Variants in FGF12 observed in about 807,000 individuals in gnomAD.
FGF12 encodes the protein fibroblast growth factor 12.
Under a neutral mutation model 23.6 loss-of-function variants are expected in FGF12, and 14 were observed. The observed-to-expected ratio is 0.59, with a 90% CI of 0.39 to 0.93. The LOEUF is 0.93. FGF12 is among the 40% of genes least tolerant of loss of function. The pLI is 0.00. For missense variants in FGF12, 175 were observed against 217.8 expected (o/e 0.80, Z 1.24); for synonymous variants, 62 against 77.3 (o/e 0.80, Z 1.04).
intron 2 of FGF12, among the ~76,000 whole-genome samples, chr3:192,393,621 G>A (rs1720399514): frequency 1.3e-5 from 2 of 150,922 alleles, no homozygotes; most frequent in Admixed American, 1.3e-4. Flanking sequence ...AAGAAAATGG[G>A]AAAAAAAAGA....
In FGF12 at chr3:192,589,559, C is replaced by A. The variant is rs544622516; in HGVS notation, c.13+137622G>T. Reference sequence around the variant, plus strand: ...CTCATCAAATTCTATCAACTTATTTCTAGGCTTAAATCTCATCAGCAAGTC... The same window carrying A: ...CTCATCAAATTCTATCAACTTATTTATAGGCTTAAATCTCATCAGCAAGTC... On this transcript the variant is annotated intron_variant, in intron 2 of 5. Transcript: ENST00000445105. Among the ~76,000 whole-genome samples the A allele has an allele frequency of 5.9e-5, 9 of 151,896 alleles. 1 individual carries two copies. In the South Asian group the frequency reaches 1.9e-3, roughly 32 times the overall value.
chr3:192,144,411 G>C lies in FGF12; in HGVS notation c.428-284C>G, dbSNP rs12498120. Among the ~76,000 whole-genome samples, 73,414 of 151,946 alleles carry C rather than the reference G, an allele frequency of 0.48. 19,218 individuals are homozygous for C. Among genetic ancestry groups the C allele is most frequent in the Non-Finnish European group, 0.59 (39,914 of 67,900 alleles). ...CTTTACAGTTTCCTAACCTAGAAAA[G>C]AGGATTTTCATCCAGAGTCAGAGGA... On this transcript the variant is annotated intron_variant, in intron 5 of 5. Transcript: ENST00000445105.
At chr3:192,295,020 A>G (rs1367290591) in intron 4 of FGF12, among the ~76,000 whole-genome samples, 3 of 152,218 alleles carry the variant, frequency 2.0e-5, no homozygotes, top group African/African-American at 7.2e-5. Flanking sequence ...AGTTCTATGC[A>G]GATGTAAACA....
At chr3:192,210,152 T>G (rs1717855936) in intron 4 of FGF12, among the ~76,000 whole-genome samples, 1 of 152,148 alleles carries the variant, frequency 6.6e-6, no homozygotes, top group African/African-American at 2.4e-5. Context: ...TAGTGAGCAT[T>G]GCCCCAGAAG....
At chr3:192,711,677 C>G (rs1003284676) in intron 2 of FGF12, among the ~76,000 whole-genome samples, 14 of 152,174 alleles carry the variant, frequency 9.2e-5, no homozygotes, top group Middle Eastern at 3.4e-3. Flanking sequence ...AAACATGTAC[C>G]GTGTCCACTC....
intron 2 of FGF12, among the ~76,000 whole-genome samples, chr3:192,475,154 T>C (rs142297674): frequency 1.9e-3 from 286 of 152,330 alleles, no homozygotes; most frequent in African/African-American, 6.5e-3. Context: ...TTTCAACCAT[T>C]AGTTTATAAA....
chr3:192,216,798 CT>C (rs1430105883), intron 4 of FGF12, among the ~76,000 whole-genome samples: 1 of 152,146 alleles, frequency 6.6e-6, no homozygotes, highest in Admixed American at 6.5e-5. Flanking sequence ...AATGCAATAT[CT>C]GTTTAATCTA....
intron 4 of FGF12, among the ~76,000 whole-genome samples, chr3:192,207,349 T>C (rs1436093161): frequency 6.6e-6 from 1 of 152,184 alleles, no homozygotes; most frequent in Admixed American, 6.5e-5. Context: ...TGTAATGAGT[T>C]CTCTCAGATG....
intron 2 of FGF12, among the ~76,000 whole-genome samples, chr3:192,713,596 C>G (rs1228464612): frequency 3.3e-5 from 5 of 152,190 alleles, no homozygotes; most frequent in African/African-American, 1.2e-4. Context: ...CCCATCTTTA[C>G]TAAGACACGA....
At chr3:192,631,086 A>G (rs1715375881) in intron 2 of FGF12, among the ~76,000 whole-genome samples, 1 of 151,994 alleles carries the variant, frequency 6.6e-6, no homozygotes, top group Non-Finnish European at 1.5e-5. Context: ...CTTATTCCTT[A>G]TCTCTTTCTC....
intron 4 of FGF12, among the ~76,000 whole-genome samples, chr3:192,228,920 C>T (rs1299055527): frequency 2.0e-5 from 3 of 151,986 alleles, no homozygotes; most frequent in East Asian, 1.9e-4. Flanking sequence ...AGTTCAATTA[C>T]GTTTTTTTAA....
At chr3:192,430,577 C>T (rs1721833059) in intron 2 of FGF12, among the ~76,000 whole-genome samples, 1 of 152,162 alleles carries the variant, frequency 6.6e-6, no homozygotes, top group South Asian at 2.1e-4. Context: ...TCAACCTCAC[C>T]CCTGCCATTT....
At chr3:192,661,726 G>T (rs917681478) in intron 2 of FGF12, among the ~76,000 whole-genome samples, 16 of 152,126 alleles carry the variant, frequency 1.1e-4, no homozygotes, top group African/African-American at 3.1e-4. Flanking sequence ...ACTGACTAGA[G>T]TCTGAGATTA....
At chr3:192,706,283 C>T (rs1229726093) in intron 2 of FGF12, among the ~76,000 whole-genome samples, 2 of 152,074 alleles carry the variant, frequency 1.3e-5, no homozygotes, top group African/African-American at 2.4e-5. Flanking sequence ...ATAATAATCT[C>T]ATAATTTAAA....
intron 2 of FGF12, among the ~76,000 whole-genome samples, chr3:192,472,567 C>G (rs76540404): frequency 0.013 from 1,920 of 152,010 alleles, 42 homozygotes; most frequent in African/African-American, 0.044. Context: ...ATTCCAGGGC[C>G]TCCAAAGACT....
At chr3:192,467,827 C>A (rs1467099911) in intron 2 of FGF12, among the ~76,000 whole-genome samples, 1 of 152,222 alleles carries the variant, frequency 6.6e-6, no homozygotes, top group Non-Finnish European at 1.5e-5. Flanking sequence ...CTACACTTAA[C>A]ATGTAGCAAA....
intron 2 of FGF12, among the ~76,000 whole-genome samples, chr3:192,711,914 C>T (rs1387942332): frequency 1.4e-5 from 2 of 147,312 alleles, no homozygotes; most frequent in Admixed American, 1.4e-4. Context: ...CCAAATCCCC[C>T]TCTGCGAGAA....
At chr3:192,466,044 G>A (rs1392014135) in intron 2 of FGF12, among the ~76,000 whole-genome samples, 1 of 152,258 alleles carries the variant, frequency 6.6e-6, no homozygotes, top group Admixed American at 6.5e-5. Flanking sequence ...CGGAGCATAC[G>A]TACACAAACC....
At chr3:192,381,976 A>G (rs1719833621) in intron 2 of FGF12, among the ~76,000 whole-genome samples, 1 of 152,042 alleles carries the variant, frequency 6.6e-6, no homozygotes, top group South Asian at 2.1e-4. Context: ...AGGGAGTGTT[A>G]TGTAGACTAG....
Sources: allele counts gnomAD v4.1 joint callset (sites outside exome capture counted in the v4.1 genomes callset), GRCh38; gene constraint gnomAD v4.1.1; transcripts MANE v1.5; gene names NCBI Gene and HGNC (gene_info 2026-07-23, HGNC 2026-07-21).